ANO10: variants seen among roughly 807,000 people sequenced by gnomAD.
The protein encoded by ANO10 is anoctamin 10, also known as anoctamin-10.
Under a neutral mutation model 74.7 loss-of-function variants are expected in ANO10, and 77 were observed. The observed-to-expected ratio is 1.03, with a 90% CI of 0.86 to 1.25. The LOEUF (loss-of-function observed/expected upper bound fraction) is 1.25, where lower values mean the gene tolerates loss of function less well. Ranked by LOEUF, ANO10 falls within the 50% of genes most tolerant of loss-of-function variation. ANO10 has a pLI of 0.00. For missense variants in ANO10, 721 were observed against 778.1 expected (o/e 0.93, Z 0.87); for synonymous variants, 279 against 284.9 (o/e 0.98, Z 0.21).
intron 11 of ANO10, among the ~76,000 whole-genome samples, chr3:43,520,929 G>C (rs1043207860): frequency 3.3e-5 from 5 of 152,024 alleles, no homozygotes; most frequent in African/African-American, 9.7e-5. Flanking sequence ...AAATGGAATT[G>C]TGTTCTTAAT....
At chr3:43,464,942 CA>C (rs1201554101) in intron 11 of ANO10, among the ~76,000 whole-genome samples, 2 of 152,076 alleles carry the variant, frequency 1.3e-5, no homozygotes, top group Non-Finnish European at 2.9e-5. Flanking sequence ...AAATCAGGAA[CA>C]AAACAAGAAT....
At chr3:43,514,511 C>G (rs1037638066) in intron 11 of ANO10, among the ~76,000 whole-genome samples, 3 of 151,988 alleles carry the variant, frequency 2.0e-5, no homozygotes, top group Non-Finnish European at 2.9e-5. Flanking sequence ...GAGAAACAGA[C>G]AAAGCCACAA....
intron 10 of ANO10, chr3:43,551,655 T>A: frequency 2.3e-6 from 1 of 433,636 alleles, no homozygotes; most frequent in Non-Finnish European, 4.7e-6. Context: ...GATTGCTATG[T>A]CTTCCTGGTA....
chr3:43,660,121 A>G (rs1295253266), intron 1 of ANO10, among the ~76,000 whole-genome samples: 1 of 152,230 alleles, frequency 6.6e-6, no homozygotes, highest in Non-Finnish European at 1.5e-5. Context: ...AAAGGTAGAT[A>G]AAACCACAAA....
At chr3:43,459,572 G>T (rs548885872) in intron 11 of ANO10, among the ~76,000 whole-genome samples, 98 of 152,280 alleles carry the variant, frequency 6.4e-4, no homozygotes, top group African/African-American at 2.3e-3. Context: ...AGGTGACATG[G>T]CTAAGAGGCA....
At chr3:43,532,516 T>C (rs1017174821) in intron 11 of ANO10, among the ~76,000 whole-genome samples, 22 of 152,224 alleles carry the variant, frequency 1.4e-4, no homozygotes, top group African/African-American at 5.3e-4. Context: ...CTTCCACAGA[T>C]GTATCTTTAT....
At chr3:43,389,859 G>A (rs1365766227) in intron 12 of ANO10, among the ~76,000 whole-genome samples, 4 of 152,200 alleles carry the variant, frequency 2.6e-5, no homozygotes, top group Non-Finnish European at 4.4e-5. Context: ...TCCGGGCTGG[G>A]AGGAAGTGAT....
chr3:43,530,034 A>G lies in ANO10; in HGVS notation c.1797+19686T>C, dbSNP rs78884657. 7.6e-3 allele frequency among the ~76,000 whole-genome samples: 1,156 copies of G among 152,304 alleles called. 16 individuals carry two copies. Among genetic ancestry groups the G allele is most frequent in the African/African-American group, 0.025 (1,044 of 41,568 alleles). On this transcript the variant is annotated intron_variant, in intron 11 of 12. Transcript: ENST00000292246. ...CCCAATTCTATGCTGTATACAAGAGACACACTTAGAGTGATTCAGAAAGGC... is the reference window on the plus strand; with the variant it reads ...CCCAATTCTATGCTGTATACAAGAGGCACACTTAGAGTGATTCAGAAAGGC...
chr3:43,591,826 G>A (rs1289956645), intron 4 of ANO10, among the ~76,000 whole-genome samples: 6 of 152,244 alleles, frequency 3.9e-5, no homozygotes, highest in African/African-American at 1.4e-4. Context: ...AGCACAAGGG[G>A]TCGGGGAATT....
At chr3:43,515,215 T>A (rs759252938) in intron 11 of ANO10, among the ~76,000 whole-genome samples, 1 of 152,212 alleles carries the variant, frequency 6.6e-6, no homozygotes, top group Non-Finnish European at 1.5e-5. Flanking sequence ...TATTTCTGGC[T>A]GTGTCTATGA....
At chr3:43,490,243 C>G (rs1439191559) in intron 11 of ANO10, among the ~76,000 whole-genome samples, 2 of 152,214 alleles carry the variant, frequency 1.3e-5, no homozygotes, top group Admixed American at 1.3e-4. Context: ...AGATCTCCAA[C>G]TACGCCACAA....
At chr3:43,416,914 C>T (rs945733233) in intron 12 of ANO10, among the ~76,000 whole-genome samples, 10 of 152,312 alleles carry the variant, frequency 6.6e-5, no homozygotes, top group Middle Eastern at 3.4e-3. Context: ...ACCTAACAAT[C>T]GCCTCATTAA....
At chr3:43,443,544 T>C (rs959609587) in intron 11 of ANO10, among the ~76,000 whole-genome samples, 1 of 151,928 alleles carries the variant, frequency 6.6e-6, no homozygotes. Flanking sequence ...GGTTTCTGAG[T>C]CTCAATAAAT....
At chr3:43,530,781 G>GA (rs2078431152) in intron 11 of ANO10, among the ~76,000 whole-genome samples, 1 of 152,034 alleles carries the variant, frequency 6.6e-6, no homozygotes, top group Non-Finnish European at 1.5e-5. Context: ...GTATATATAA[G>GA]AAAAAACAGT....
chr3:43,505,774 A>G lies in ANO10; in HGVS notation c.1797+43946T>C, dbSNP rs564759410. Among the ~76,000 whole-genome samples the G allele has an allele frequency of 9.2e-5, 14 of 152,312 alleles. No homozygotes were observed. The South Asian group carries it at 2.9e-3, about 32-fold the overall frequency. Reference sequence around the variant, plus strand: ...GTTTTCACATCATTTATTTATGTTCAACTAAATAATATGGTCCCTAAGGGC... The same window carrying G: ...GTTTTCACATCATTTATTTATGTTCGACTAAATAATATGGTCCCTAAGGGC... On this transcript the variant is annotated intron_variant, in intron 11 of 12. Transcript: ENST00000292246.
chr3:43,639,287 G>A lies in ANO10; in HGVS notation c.-11-33424C>T, dbSNP rs542216393. 4.2e-4 allele frequency among the ~76,000 whole-genome samples: 64 copies of A among 152,322 alleles called. 1 individual carries two copies. Among genetic ancestry groups the A allele is most frequent in the African/African-American group, 1.5e-3 (61 of 41,580 alleles). ...GGCGTCAAAGAATTTCACATTTTAA[G>A]TCATCGCAGTGCAGCCAGCCCAGAG... On this transcript the variant is annotated intron_variant, in intron 1 of 3. Transcript: ENST00000413397.
intron 12 of ANO10, among the ~76,000 whole-genome samples, chr3:43,415,754 C>T (rs988918210): frequency 2.0e-5 from 3 of 152,034 alleles, no homozygotes; most frequent in Admixed American, 2.0e-4. Flanking sequence ...GTTGGCCAGG[C>T]TGCTCACGAA....
intron 11 of ANO10, among the ~76,000 whole-genome samples, chr3:43,468,305 C>T (rs1280117196): frequency 6.6e-6 from 1 of 152,132 alleles, no homozygotes; most frequent in Non-Finnish European, 1.5e-5. Context: ...GTGTGCAGCA[C>T]AGTATTGACA....
chr3:43,667,083 T>G (rs1241487838), intron 1 of ANO10, among the ~76,000 whole-genome samples: 24 of 135,806 alleles, frequency 1.8e-4, no homozygotes, highest in Admixed American at 3.7e-4. Flanking sequence ...TTTTTTTTTT[T>G]TTTTTTTTTT....
Sources: allele counts gnomAD v4.1 joint callset (sites outside exome capture counted in the v4.1 genomes callset), GRCh38; gene constraint gnomAD v4.1.1; transcripts MANE v1.5; gene names NCBI Gene and HGNC (gene_info 2026-07-23, HGNC 2026-07-21).